Variants in OSBPL1A observed in about 807,000 individuals in gnomAD.
OSBPL1A encodes the protein oxysterol binding protein like 1A, also known as oxysterol-binding protein-related protein 1.
In OSBPL1A, 80 loss-of-function variants were observed where a neutral mutation model predicts 137.1. That is an observed-to-expected ratio of 0.58 (90% CI 0.49 to 0.70). OSBPL1A has a LOEUF of 0.70. Among genes scored for constraint, OSBPL1A ranks in the 30% least tolerant of loss-of-function variants. The probability of loss-of-function intolerance (pLI) is 0.00; values close to 1 mark genes in which losing one functional copy is unlikely to be tolerated. For missense variants in OSBPL1A, 970 were observed against 1,129.4 expected (o/e 0.86, Z 2.02); for synonymous variants, 365 against 389.7 (o/e 0.94, Z 0.75).
intron 20 of OSBPL1A, 88 bp downstream of exon 20, chr18:24,179,650 T>C (rs1023461600): frequency 4.3e-5 from 48 of 1,123,060 alleles, no homozygotes; most frequent in Admixed American, 3.1e-4. Flanking sequence ...TCCAGTCCTA[T>C]ATAATTGTTA....
At chr18:24,238,470 C>T (rs1025572747) in intron 16 of OSBPL1A, among the ~76,000 whole-genome samples, 6 of 152,170 alleles carry the variant, frequency 3.9e-5, no homozygotes, top group East Asian at 1.9e-4. Context: ...CCAATCTCCA[C>T]GTGCATTCCC....
chr18:24,258,805 G>T (rs1207814449), intron 15 of OSBPL1A, among the ~76,000 whole-genome samples: 1 of 150,928 alleles, frequency 6.6e-6, no homozygotes, highest in Non-Finnish European at 1.5e-5. Flanking sequence ...TAAATATATT[G>T]CCAATATATT....
intron 27 of OSBPL1A, among the ~76,000 whole-genome samples, chr18:24,164,420 G>GGTTTTTTTTTTT (rs199563115): frequency 2.1e-5 from 2 of 95,970 alleles, no homozygotes; most frequent in South Asian, 4.3e-4. Context: ...GAGATTTTTG[G>GGTTTTTTTTTTT]TTTTTTTTTT....
intron 17 of OSBPL1A, among the ~76,000 whole-genome samples, chr18:24,210,832 G>T (rs1156577798): frequency 6.6e-6 from 1 of 151,558 alleles, no homozygotes; most frequent in Admixed American, 6.6e-5. Flanking sequence ...CATCGTATCT[G>T]GTATAGTTTT....
intron 7 of OSBPL1A, among the ~76,000 whole-genome samples, chr18:24,332,053 A>G (rs2091088263): frequency 6.6e-6 from 1 of 151,868 alleles, no homozygotes; most frequent in Admixed American, 6.6e-5. Flanking sequence ...CACCTTTTGT[A>G]TTTTTTGTTG....
At chr18:24,343,027 C>A (rs1163154726) in intron 4 of OSBPL1A, among the ~76,000 whole-genome samples, 3 of 151,454 alleles carry the variant, frequency 2.0e-5, no homozygotes, top group Non-Finnish European at 2.9e-5. Flanking sequence ...CTAAATAGTT[C>A]ATATTAATTA....
intron 2 of OSBPL1A, among the ~76,000 whole-genome samples, chr18:24,374,132 T>C (rs1339637260): frequency 1.3e-5 from 2 of 152,140 alleles, no homozygotes; most frequent in Non-Finnish European, 2.9e-5. Context: ...GGGGGAAATT[T>C]TATACATTTT....
rs926551115 is a variant in OSBPL1A at position 24,162,918 on chromosome 18, TC to T, written c.*260del. On this transcript the variant is annotated 3_prime_UTR_variant, in exon 28 of 28. Coordinates refer to ENST00000319481, the MANE Select transcript of OSBPL1A (RefSeq NM_080597.4). Reference sequence around the variant, plus strand: ...GCAACAGCAACCATAAAAAGCATATTCCCCAGCAGTGTTCTCTTACCTCTAT... The same window carrying T: ...GCAACAGCAACCATAAAAAGCATATTCCCAGCAGTGTTCTCTTACCTCTAT... The T allele has an allele frequency of 8.4e-5, 21 of 250,356 alleles. No individual in the cohort carries two copies. Among genetic ancestry groups the T allele is most frequent in the African/African-American group, 4.8e-4 (21 of 43,514 alleles). 15.5% of individuals were successfully genotyped at this position (250,356 alleles called of 1,614,324 possible). A position where few individuals can be genotyped will look rare whatever the true frequency, so the allele number is the denominator to read the frequency against.
chr18:24,389,029 C>A (rs1368437680), intron 1 of OSBPL1A, among the ~76,000 whole-genome samples: 2 of 152,058 alleles, frequency 1.3e-5, no homozygotes, highest in Non-Finnish European at 2.9e-5. Flanking sequence ...TTTTTAAAAA[C>A]ATTCTTCCAA....
intron 12 of OSBPL1A, 113 bp from the exon 13 acceptor site, chr18:24,312,219 C>T (rs1168470807): frequency 1.5e-6 from 2 of 1,301,434 alleles, no homozygotes; most frequent in Non-Finnish European, 1.0e-6. Flanking sequence ...ATATTATGGC[C>T]TCAAAAGGGA....
intron 4 of OSBPL1A, among the ~76,000 whole-genome samples, chr18:24,363,845 C>G (rs1265290039): frequency 6.6e-6 from 1 of 151,648 alleles, no homozygotes; most frequent in Non-Finnish European, 1.5e-5. Context: ...CCTATGTTGC[C>G]CAGGCTGGTC....
At chr18:24,274,452 A>T (rs1599601063) in intron 15 of OSBPL1A, among the ~76,000 whole-genome samples, 1 of 152,158 alleles carries the variant, frequency 6.6e-6, no homozygotes, top group Non-Finnish European at 1.5e-5. Flanking sequence ...ATTAGATCAG[A>T]ACTCAGGAGA....
At position 24,332,015 on chromosome 18, in the gene OSBPL1A, G is replaced by A. The variant is rs117987570; in HGVS notation, c.625+927C>T. Reference sequence around the variant, plus strand: ...TCTCCTACTATAAACAAATGTCCTCGTCATGGTCTATTTAGGGTCACACTT... The same window carrying A: ...TCTCCTACTATAAACAAATGTCCTCATCATGGTCTATTTAGGGTCACACTT... On this transcript the variant is annotated intron_variant, in intron 7 of 27. Coordinates refer to ENST00000319481, the MANE Select transcript of OSBPL1A (RefSeq NM_080597.4). Among the ~76,000 whole-genome samples the A allele has an allele frequency of 4.3e-3, 652 of 152,088 alleles. 3 individuals carry two copies. The highest frequency in any genetic ancestry group is 9.6e-3 in the South Asian group (46 of 4,810).
intron 4 of OSBPL1A, among the ~76,000 whole-genome samples, chr18:24,349,721 A>G (rs1162429248): frequency 4.8e-5 from 5 of 103,960 alleles, no homozygotes; most frequent in Non-Finnish European, 9.8e-5. Flanking sequence ...CCCTTGCAAA[A>G]GAAAAAAGAA....
chr18:24,368,190 C>T, intron 3 of OSBPL1A, 97 bp downstream of exon 3: 1 of 795,214 alleles, frequency 1.3e-6, no homozygotes, highest in Non-Finnish European at 2.0e-6. Flanking sequence ...TTAAATAAGT[C>T]ATTATGGCTC....
chr18:24,349,649 G>A (rs1286814339), intron 4 of OSBPL1A, among the ~76,000 whole-genome samples: 2 of 150,266 alleles, frequency 1.3e-5, no homozygotes, highest in African/African-American at 2.4e-5. Context: ...AGAAGTGTGA[G>A]TAAGTCCAGA....
Position 24,269,612 on chromosome 18 carries a change from T to A in OSBPL1A, c.1281+11230A>T, listed in dbSNP as rs148689547. Among the ~76,000 whole-genome samples the A allele has an allele frequency of 2.1e-3, 321 of 152,222 alleles. 1 individual carries two copies. The highest frequency in any genetic ancestry group is 7.4e-3 in the African/African-American group (307 of 41,538). On this transcript the variant is annotated intron_variant, in intron 15 of 27. Coordinates refer to ENST00000319481, the MANE Select transcript of OSBPL1A (RefSeq NM_080597.4). ...ACATCAAATCCTCAATGGACCATTA[T>A]AAAAATGTATAGGGGTTACACCCTT...
chr18:24,382,873 C>CA (rs1029481020), intron 1 of OSBPL1A, among the ~76,000 whole-genome samples: 5 of 148,630 alleles, frequency 3.4e-5, no homozygotes, highest in Middle Eastern at 3.4e-3. Context: ...GACCCTGTTT[C>CA]AAAAAAAATA....
chr18:24,389,891 G>A (rs922137060), intron 1 of OSBPL1A, among the ~76,000 whole-genome samples: 2 of 151,960 alleles, frequency 1.3e-5, no homozygotes, highest in Non-Finnish European at 1.5e-5. Context: ...GCAGTGACCC[G>A]AGATCGCACC....
Sources: allele counts gnomAD v4.1 joint callset (sites outside exome capture counted in the v4.1 genomes callset), GRCh38; gene constraint gnomAD v4.1.1; transcripts MANE v1.5; gene names NCBI Gene and HGNC (gene_info 2026-07-23, HGNC 2026-07-21).